Variants in ZC2HC1A observed in about 807,000 individuals in gnomAD.
ZC2HC1A encodes the protein zinc finger C2HC domain-containing protein 1A.
A neutral mutation model predicts 40.7 loss-of-function variants in ZC2HC1A; 28 were observed. The ratio of observed to expected loss-of-function variants is 0.69; its 90% CI spans 0.51 to 0.94. The LOEUF (loss-of-function observed/expected upper bound fraction) is 0.94. Ranked by LOEUF, ZC2HC1A falls within the 40% of genes least tolerant of loss-of-function variation. ZC2HC1A has a pLI of 0.00. For missense variants in ZC2HC1A, 389 were observed against 386.3 expected (o/e 1.01, Z -0.06); for synonymous variants, 129 against 129.2 (o/e 1.00, Z 0.01).
At chr8:78,696,921 T>G (rs1171254774) in intron 5 of ZC2HC1A, among the ~76,000 whole-genome samples, 1 of 152,214 alleles carries the variant, frequency 6.6e-6, no homozygotes, top group Non-Finnish European at 1.5e-5. Flanking sequence ...AATGTTTGTT[T>G]GGTGTTTAAA....
At chr8:78,676,067 C>A in intron 2 of ZC2HC1A, 1 of 381,072 alleles carries the variant, frequency 2.6e-6, no homozygotes, top group Non-Finnish European at 4.6e-6. Flanking sequence ...CAGAACTCTT[C>A]TGTTAAAGTT....
intron 1 of ZC2HC1A, among the ~76,000 whole-genome samples, chr8:78,670,974 CAT>C (rs1187368454): frequency 1.3e-5 from 2 of 152,100 alleles, no homozygotes; most frequent in Admixed American, 1.3e-4. Flanking sequence ...AGTGATATAA[CAT>C]ATTTAGTGCT....
intron 1 of ZC2HC1A, among the ~76,000 whole-genome samples, chr8:78,666,421 G>C (rs1405796014): frequency 6.6e-6 from 1 of 152,258 alleles, no homozygotes. Flanking sequence ...CCCCTGGCAA[G>C]ACGCCTGCAC....
In ZC2HC1A at chr8:78,666,164, G is replaced by A; in HGVS notation, c.16G>A (p.Glu6Lys). ...AGGTGGCGCGATGGAGGGACTGGAAGGTGAGGCGATGAAGGGATGAGGGCA... is the reference window on the plus strand; with the variant it reads ...AGGTGGCGCGATGGAGGGACTGGAAAGTGAGGCGATGAAGGGATGAGGGCA... MEGLE[E>K]NGGVVQVGEL... The change falls in exon 1 of 9, where the codon GAG becomes AAG. Residue 6 changes from glutamate to lysine, a missense_variant and splice_region_variant. Glu to Lys is a moderately conservative substitution (Grantham distance 56). Transcript: ENST00000263849. 1.3e-6 allele frequency: 2 copies of A among 1,574,844 alleles called. No homozygotes were observed. Among genetic ancestry groups the A allele is most frequent in the Non-Finnish European group, 8.6e-7 (1 of 1,160,434 alleles).
intron 5 of ZC2HC1A, among the ~76,000 whole-genome samples, chr8:78,693,451 G>T (rs1179683991): frequency 6.6e-6 from 1 of 152,294 alleles, no homozygotes; most frequent in East Asian, 1.9e-4. Context: ...GTATCTCATT[G>T]TGGTTTTGAT....
intron 3 of ZC2HC1A, among the ~76,000 whole-genome samples, chr8:78,685,253 C>T (rs1266948075): frequency 1.2e-4 from 2 of 16,624 alleles, no homozygotes; most frequent in Non-Finnish European, 4.2e-4. Flanking sequence ...AACTGCATAG[C>T]CATGTTAAAA....
chr8:78,697,018 G>A (rs117489947), intron 5 of ZC2HC1A, among the ~76,000 whole-genome samples: 3 of 152,154 alleles, frequency 2.0e-5, no homozygotes, highest in African/African-American at 7.2e-5. Context: ...TGTTTTAGCA[G>A]TGGAGCATCT....
chr8:78,683,342 T>A (rs117273873), intron 3 of ZC2HC1A, among the ~76,000 whole-genome samples: 108 of 152,356 alleles, frequency 7.1e-4, no homozygotes, highest in Non-Finnish European at 1.3e-3. Context: ...TCCAGGTGTT[T>A]CCATACATTC....
At chr8:78,695,861 G>A (rs535364460) in intron 5 of ZC2HC1A, among the ~76,000 whole-genome samples, 3 of 152,150 alleles carry the variant, frequency 2.0e-5, no homozygotes, top group East Asian at 3.9e-4. Flanking sequence ...TTGTGTGACC[G>A]TTTATCAAGA....
intron 1 of ZC2HC1A, among the ~76,000 whole-genome samples, chr8:78,674,404 G>A (rs1444835761): frequency 6.6e-6 from 1 of 152,174 alleles, no homozygotes; most frequent in African/African-American, 2.4e-5. Flanking sequence ...TAATAGATTA[G>A]TTAGCGTGTG....
At chr8:78,714,715 T>C (rs946388040) in intron 7 of ZC2HC1A, among the ~76,000 whole-genome samples, 24 of 152,212 alleles carry the variant, frequency 1.6e-4, no homozygotes, top group African/African-American at 5.5e-4. Flanking sequence ...ATTAAATCTT[T>C]AAAGGGAATA....
intron 8 of ZC2HC1A, among the ~76,000 whole-genome samples, chr8:78,716,794 C>T (rs1250165546): frequency 6.6e-6 from 1 of 152,064 alleles, no homozygotes; most frequent in Non-Finnish European, 1.5e-5. Context: ...TGGTGATAGG[C>T]GATTGGATCA....
chr8:78,673,415 C>T (rs1563619049), intron 1 of ZC2HC1A, among the ~76,000 whole-genome samples: 2 of 152,264 alleles, frequency 1.3e-5, no homozygotes, highest in East Asian at 3.9e-4. Context: ...ATTTATAATA[C>T]TTTGGGTACA....
chr8:78,712,456 A>G (rs1401109123), intron 7 of ZC2HC1A, among the ~76,000 whole-genome samples: 1 of 152,132 alleles, frequency 6.6e-6, no homozygotes, highest in East Asian at 1.9e-4. Context: ...GAGAAAAATA[A>G]TGTCTTGTAC....
intron 5 of ZC2HC1A, among the ~76,000 whole-genome samples, chr8:78,693,434 T>A (rs1355874993): frequency 6.6e-6 from 1 of 152,226 alleles, no homozygotes; most frequent in Non-Finnish European, 1.5e-5. Flanking sequence ...CTAACTGGTG[T>A]GAGATGGTAT....
Position 78,716,492 on chromosome 8 carries a change from C to T in ZC2HC1A, c.813-836C>T, listed in dbSNP as rs114626964. Reference sequence around the variant, plus strand: ...ATGCATAAGAGTTTGTTATTTATTGCATCACAATAATTTAATATCATTAAA... The same window carrying T: ...ATGCATAAGAGTTTGTTATTTATTGTATCACAATAATTTAATATCATTAAA... On this transcript the variant is annotated intron_variant, in intron 8 of 8. Coordinates refer to ENST00000263849, the MANE Select transcript of ZC2HC1A (RefSeq NM_016010.3). 6.1e-3 allele frequency among the ~76,000 whole-genome samples: 926 copies of T among 152,068 alleles called. 8 individuals carry two copies. Among genetic ancestry groups the T allele is most frequent in the African/African-American group, 0.021 (877 of 41,472 alleles).
At chr8:78,714,325 C>A (rs933765872) in intron 7 of ZC2HC1A, among the ~76,000 whole-genome samples, 2 of 151,948 alleles carry the variant, frequency 1.3e-5, no homozygotes, top group Non-Finnish European at 2.9e-5. Context: ...TTTCTATGGG[C>A]AAAATAATTA....
chr8:78,675,808 T>C lies in ZC2HC1A; in HGVS notation c.38T>C (p.Val13Ala), dbSNP rs200718109. 2.5e-6 allele frequency: 4 copies of C among 1,609,762 alleles called. No individual in the cohort carries two copies. The highest frequency in any genetic ancestry group is 2.2e-5 in the East Asian group (1 of 44,526). The change falls in exon 2 of 9, where the codon GTT becomes GCT. Residue 13 changes from valine (V) to alanine (A), a missense_variant. Val to Ala is a moderately conservative substitution (Grantham distance 64, BLOSUM62 0). Transcript: ENST00000263849. ...GLEENGGVVQ[V>A]GELLPCKICG... is the part of the protein sequence containing the mutation. Reference sequence around the variant, plus strand: ...TTAGAGAATGGAGGTGTTGTCCAAGTTGGAGAATTGTTACCTTGCAAGATT... The same window carrying C: ...TTAGAGAATGGAGGTGTTGTCCAAGCTGGAGAATTGTTACCTTGCAAGATT...
rs1300326528 is a variant in ZC2HC1A, at chr8:78,697,845, A to C, written c.604+339A>C. On this transcript the variant is annotated intron_variant, in intron 6 of 8. Coordinates refer to ENST00000263849, the MANE Select transcript of ZC2HC1A (RefSeq NM_016010.3). Reference sequence around the variant, plus strand: ...AGGCGGGTGCCACCATGCCCACCTAATTTTTTGTATTTTTAATAGAGATGG... The same window carrying C: ...AGGCGGGTGCCACCATGCCCACCTACTTTTTTGTATTTTTAATAGAGATGG... Among the ~76,000 whole-genome samples the C allele has an allele frequency of 2.0e-5, 3 of 151,706 alleles. No individual in the cohort carries two copies. In the East Asian group the frequency reaches 5.8e-4, roughly 29 times the overall value.
Sources: allele counts gnomAD v4.1 joint callset (sites outside exome capture counted in the v4.1 genomes callset), GRCh38; gene constraint gnomAD v4.1.1; transcripts MANE v1.5; gene names NCBI Gene and HGNC (gene_info 2026-07-23, HGNC 2026-07-21).